The following LSM6 variants were observed in gnomAD, a reference collection of about 807,000 sequenced individuals.
LSM6 encodes the protein LSM6 homolog, U6 small nuclear RNA and mRNA degradation associated, also known as U6 snRNA-associated Sm-like protein LSm6.
In LSM6, 2 loss-of-function variants were observed where a neutral mutation model predicts 13.5. The observed-to-expected ratio is 0.15, with a 90% CI of 0.06 to 0.47. The LOEUF (loss-of-function observed/expected upper bound fraction) is 0.47. LSM6 is among the 20% of genes least tolerant of loss of function. The pLI, the probability that LSM6 is intolerant of heterozygous loss-of-function variation, is 0.97. For synonymous variants in LSM6, 43 were observed against 34.9 expected (o/e 1.23, Z -0.82); for missense variants, 58 against 96.4 (o/e 0.60, Z 1.67).
chr4:146,188,406 G>C (rs956228777), intron 3 of LSM6, among the ~76,000 whole-genome samples: 10 of 151,410 alleles, frequency 6.6e-5, no homozygotes, highest in Non-Finnish European at 1.5e-4. Context: ...GGACTTGGGG[G>C]GCAGGGTTGG....
intron 2 of LSM6, among the ~76,000 whole-genome samples, chr4:146,185,639 C>A (rs1348299982): frequency 6.6e-6 from 1 of 151,082 alleles, no homozygotes; most frequent in Non-Finnish European, 1.5e-5. Context: ...ACCCCCTGGG[C>A]AGTTTTTTTG....
chr4:146,181,651 A>G lies in LSM6; in HGVS notation c.-10-1261A>G, dbSNP rs199505149. On this transcript the variant is annotated intron_variant, in intron 1 of 3. Transcript: ENST00000296581. ...ATATTTAATGAAAAAATTTCATTGA[A>G]AACAAAAGAACAGCTTGAGTTCTTG... Among the ~76,000 whole-genome samples, 5 of 152,348 alleles carry G rather than the reference A, an allele frequency of 3.3e-5. No homozygotes were observed. The East Asian group carries it at 9.6e-4, about 29-fold the overall frequency.
intron 2 of LSM6, among the ~76,000 whole-genome samples, chr4:146,185,508 C>CAA (rs542139047): frequency 0.023 from 2,284 of 98,456 alleles, 76 homozygotes; most frequent in African/African-American, 0.075. Context: ...AACAACATAC[C>CAA]AAAAAAAAAA....
intron 1 of LSM6, chr4:146,181,062 G>A (rs558443169): frequency 6.6e-6 from 1 of 152,198 alleles, no homozygotes; most frequent in African/African-American, 2.4e-5. Context: ...AGTTGTAATA[G>A]TAGTTGTAAT....
In LSM6 at chr4:146,189,630, A is replaced by C; in HGVS notation, c.217A>C (p.Ile73Leu). The C allele has an allele frequency of 6.3e-7, 1 of 1,597,458 alleles. No individual in the cohort carries two copies. The highest frequency in any genetic ancestry group is 8.5e-7 in the Non-Finnish European group (1 of 1,169,698). ...AFIRGNNVLY[I>L]STQKRRM is the part of the protein sequence containing the mutation. ...TATTTTTTTCTTTTCAGTGTTGTAC[A>C]TCAGTACACAGAAGAGACGGATGTG... is the stretch of plus-strand genomic sequence containing the variant. The change falls in exon 4 of 4, where the codon ATC becomes CTC. Residue 73 changes from isoleucine (I) to leucine (L), a missense_variant. Around this residue, in one of 3 missense-constraint regions of LSM6, gnomAD observed 23 missense variants for 27.5 expected, o/e 0.84. Coordinates refer to ENST00000296581, the MANE Select transcript of LSM6 (RefSeq NM_007080.3).
intron 3 of LSM6, among the ~76,000 whole-genome samples, chr4:146,188,376 T>G (rs1012062303): frequency 2.7e-5 from 4 of 150,812 alleles, no homozygotes; most frequent in African/African-American, 9.7e-5. Flanking sequence ...GTAGATCCTT[T>G]AACGTGCACA....
chr4:146,185,401 C>T (rs886771228), intron 2 of LSM6, among the ~76,000 whole-genome samples: 5 of 150,362 alleles, frequency 3.3e-5, no homozygotes, highest in African/African-American at 7.3e-5. Flanking sequence ...GGCCTTTATA[C>T]TATTAAAGCA....
At chr4:146,177,800 C>T (rs548637613) in intron 1 of LSM6, among the ~76,000 whole-genome samples, 2 of 152,276 alleles carry the variant, frequency 1.3e-5, no homozygotes, top group African/African-American at 4.8e-5. Context: ...GTAGCACCAC[C>T]TTCCTCAGTC....
At chr4:146,176,496 C>T (rs1225855664) in intron 1 of LSM6, 2 of 152,224 alleles carry the variant, frequency 1.3e-5, no homozygotes, top group African/African-American at 4.8e-5. Flanking sequence ...TAATACGTGA[C>T]TATTGTAGAA....
chr4:146,186,219 C>G (rs1394832405), intron 2 of LSM6, among the ~76,000 whole-genome samples: 1 of 152,196 alleles, frequency 6.6e-6, no homozygotes, highest in Non-Finnish European at 1.5e-5. Flanking sequence ...ACAGTCCATT[C>G]TCGTTCTTTG....
At chr4:146,178,236 A>G (rs1730152699) in intron 1 of LSM6, among the ~76,000 whole-genome samples, 1 of 152,196 alleles carries the variant, frequency 6.6e-6, no homozygotes, top group Admixed American at 6.5e-5. Context: ...AGTGAGTAAG[A>G]TATTTTCCCT....
intron 1 of LSM6, among the ~76,000 whole-genome samples, chr4:146,181,589 A>G (rs548679500): frequency 7.9e-5 from 12 of 152,358 alleles, no homozygotes; most frequent in African/African-American, 2.6e-4. Context: ...TGAAATAAGC[A>G]TAGTGGAAGA....
chr4:146,176,332 C>T (rs779868653), intron 1 of LSM6: 9 of 152,270 alleles, frequency 5.9e-5, no homozygotes, highest in Non-Finnish European at 1.3e-4. Context: ...GCCTGTCTTA[C>T]CAAGTTGTCA....
rs1411275864 is a variant in LSM6 at position 146,189,658 on chromosome 4, G to A, written c.*2G>A. The A allele has an allele frequency of 6.3e-7, 1 of 1,597,394 alleles. No homozygotes were observed. The highest frequency in any genetic ancestry group is 1.1e-5 in the South Asian group (1 of 87,664). On this transcript the variant is annotated 3_prime_UTR_variant, in exon 4 of 4. Transcript: ENST00000296581. ...AGTACACAGAAGAGACGGATGTGAA[G>A]ACACCAAGAGAGCAACGCTTTTCAT... is the stretch of plus-strand genomic sequence containing the variant.
intron 3 of LSM6, among the ~76,000 whole-genome samples, chr4:146,188,884 A>G (rs993195749): frequency 5.3e-5 from 8 of 152,166 alleles, no homozygotes; most frequent in African/African-American, 1.4e-4. Context: ...GTAAACAGCA[A>G]GTTTAGAGTT....
At chr4:146,176,944 T>C (rs958372032) in intron 1 of LSM6, among the ~76,000 whole-genome samples, 4 of 152,102 alleles carry the variant, frequency 2.6e-5, no homozygotes, top group Non-Finnish European at 5.9e-5. Context: ...ATTGCTGCAG[T>C]GTTTTCCAAA....
intron 1 of LSM6, chr4:146,180,803 T>C (rs1730216103): frequency 1.3e-5 from 2 of 152,206 alleles, no homozygotes; most frequent in Admixed American, 6.5e-5. Context: ...GACTCATCAG[T>C]TGAGTATCAG....
chr4:146,177,790 G>A (rs754953964), intron 1 of LSM6, among the ~76,000 whole-genome samples: 1 of 152,186 alleles, frequency 6.6e-6, no homozygotes, highest in Non-Finnish European at 1.5e-5. Flanking sequence ...TAGGATAGCA[G>A]TAGCACCACC....
At chr4:146,177,608 A>C (rs1416003795) in intron 1 of LSM6, among the ~76,000 whole-genome samples, 1 of 152,142 alleles carries the variant, frequency 6.6e-6, no homozygotes, top group East Asian at 1.9e-4. Flanking sequence ...CCTCACTTTA[A>C]AACCAAAGAA....
Sources: allele counts gnomAD v4.1 joint callset (sites outside exome capture counted in the v4.1 genomes callset), GRCh38; gene constraint gnomAD v4.1.1; regional missense constraint gnomAD v4.1.1; transcripts MANE v1.5; gene names NCBI Gene and HGNC (gene_info 2026-07-23, HGNC 2026-07-21).